NAA35: variants seen among roughly 807,000 people sequenced by gnomAD.
NAA35 encodes MAK10 homolog, amino-acid N-acetyltransferase subunit.
NAA35 carries 18 observed loss-of-function variants against 101.7 expected under a neutral mutation model. That is an observed-to-expected ratio of 0.18 (90% CI 0.12 to 0.26). NAA35 has a LOEUF of 0.26. Ranked by LOEUF, NAA35 falls within the 10% of genes least tolerant of loss-of-function variation. The pLI is 1.00. For synonymous variants in NAA35, 267 were observed against 273.1 expected (o/e 0.98, Z 0.22); for missense variants, 601 against 886.8 (o/e 0.68, Z 4.09).
At chr9:85,992,404 C>T (rs569751533) in intron 11 of NAA35, among the ~76,000 whole-genome samples, 20 of 151,976 alleles carry the variant, frequency 1.3e-4, no homozygotes, top group African/African-American at 4.6e-4. Flanking sequence ...ATATGAGTGT[C>T]CCCCCAACCC....
At chr9:85,976,245 A>C (rs569952332) in intron 8 of NAA35, among the ~76,000 whole-genome samples, 1 of 152,330 alleles carries the variant, frequency 6.6e-6, no homozygotes, top group South Asian at 2.1e-4. Flanking sequence ...CATTTGTATT[A>C]AGAAATTGTG....
chr9:85,993,523 A>G (rs1831018638), intron 11 of NAA35, among the ~76,000 whole-genome samples: 1 of 152,206 alleles, frequency 6.6e-6, no homozygotes, highest in Non-Finnish European at 1.5e-5. Context: ...TGAGCATTGG[A>G]GTGATAGACT....
At chr9:85,966,645 A>C in intron 6 of NAA35, 3 of 1,298,918 alleles carry the variant, frequency 2.3e-6, no homozygotes, top group Non-Finnish European at 3.0e-6. Flanking sequence ...AATTTTAAAA[A>C]TGAAAATGTT....
intron 6 of NAA35, among the ~76,000 whole-genome samples, chr9:85,971,599 G>A (rs1362664818): frequency 2.0e-5 from 3 of 152,106 alleles, no homozygotes; most frequent in African/African-American, 7.2e-5. Flanking sequence ...TCAAGCAAGT[G>A]AAATCTGAAA....
intron 6 of NAA35, among the ~76,000 whole-genome samples, chr9:85,970,562 C>T (rs977483865): frequency 3.7e-4 from 57 of 152,160 alleles, no homozygotes; most frequent in Non-Finnish European, 6.8e-4. Context: ...AGGAAGGACA[C>T]ATCATCATTT....
At chr9:85,943,440 T>C (rs1198597903) in intron 2 of NAA35, among the ~76,000 whole-genome samples, 1 of 152,030 alleles carries the variant, frequency 6.6e-6, no homozygotes, top group Non-Finnish European at 1.5e-5. Context: ...AGGTAGGGTG[T>C]GTTTGGATAG....
intron 6 of NAA35, among the ~76,000 whole-genome samples, chr9:85,971,596 A>T (rs978261039): frequency 2.6e-5 from 4 of 152,280 alleles, no homozygotes; most frequent in African/African-American, 9.6e-5. Context: ...GTCTCAAGCA[A>T]GTGAAATCTG....
intron 6 of NAA35, among the ~76,000 whole-genome samples, chr9:85,968,107 C>T (rs534188812): frequency 2.0e-5 from 3 of 152,196 alleles, no homozygotes; most frequent in Admixed American, 6.5e-5. Context: ...ACTGTTTTTT[C>T]TCTCACCCTT....
chr9:85,972,439 G>C (rs951418096), intron 6 of NAA35, among the ~76,000 whole-genome samples: 3 of 150,838 alleles, frequency 2.0e-5, no homozygotes, highest in Non-Finnish European at 4.4e-5. Flanking sequence ...AGCCCAGAGC[G>C]GGGTGGAGGT....
chr9:85,967,575 G>A (rs1829811393), intron 6 of NAA35, among the ~76,000 whole-genome samples: 2 of 152,172 alleles, frequency 1.3e-5, no homozygotes, highest in Middle Eastern at 3.4e-3. Flanking sequence ...TGAGAGGCCC[G>A]AGGTGGGCAG....
At chr9:85,964,271 T>A (rs555363274) in intron 6 of NAA35, among the ~76,000 whole-genome samples, 7 of 152,208 alleles carry the variant, frequency 4.6e-5, no homozygotes, top group Non-Finnish European at 8.8e-5. Flanking sequence ...TTTTCACTTA[T>A]GCGCGTGCTC....
At chr9:86,020,264 C>G (rs970436887) in intron 21 of NAA35, among the ~76,000 whole-genome samples, 53 of 152,110 alleles carry the variant, frequency 3.5e-4, no homozygotes, top group African/African-American at 1.2e-3. Flanking sequence ...AAGGGGGAGT[C>G]TAAAAATTTG....
At chr9:86,018,856 G>C (rs1380763622) in intron 21 of NAA35, 35 bp downstream of exon 21, 1 of 1,605,318 alleles carries the variant, frequency 6.2e-7, no homozygotes, top group South Asian at 1.1e-5. Context: ...TAGGGGAAAA[G>C]CGTGGCAGGA....
intron 16 of NAA35, 118 bp downstream of exon 16, chr9:86,013,262 C>A: frequency 1.8e-6 from 1 of 555,376 alleles, no homozygotes; most frequent in Non-Finnish European, 3.0e-6. Context: ...ATCCACTTTT[C>A]ACTTAAAATA....
chr9:85,952,292 T>G (rs1388918329), intron 2 of NAA35, among the ~76,000 whole-genome samples: 1 of 151,642 alleles, frequency 6.6e-6, no homozygotes, highest in African/African-American at 2.4e-5. Context: ...TTTTTTGTTT[T>G]TTTTTTTTTT....
At chr9:86,009,803 G>A (rs150630206) in intron 14 of NAA35, 62 bp from the exon 15 acceptor site, 127 of 1,241,114 alleles carry the variant, frequency 1.0e-4, no homozygotes, top group Non-Finnish European at 1.4e-4. Flanking sequence ...AGCATCTGCA[G>A]TAATTGCTGC....
intron 18 of NAA35, 98 bp from the exon 19 acceptor site, chr9:86,017,400 A>G (rs1832281577): frequency 9.4e-7 from 1 of 1,065,506 alleles, no homozygotes; most frequent in South Asian, 1.5e-5. Flanking sequence ...TTTAGTATAC[A>G]AGCTGAAAGA....
At position 86,005,166 on chromosome 9, in the gene NAA35, C is replaced by T. The variant is rs1449793085; in HGVS notation, c.1116+1522C>T. On this transcript the variant is annotated intron_variant, in intron 13 of 22. Coordinates refer to ENST00000361671, the MANE Select transcript of NAA35 (RefSeq NM_024635.4). ...ATAAAAAGAGGTAATACACCATGACCAAATAAGATTTACCCTAAGAATCAA... is the reference window on the plus strand; with the variant it reads ...ATAAAAAGAGGTAATACACCATGACTAAATAAGATTTACCCTAAGAATCAA... Among the ~76,000 whole-genome samples, 4 of 152,002 alleles carry T rather than the reference C, an allele frequency of 2.6e-5. No individual in the cohort carries two copies. The East Asian group carries it at 5.8e-4, about 22-fold the overall frequency.
In NAA35 at chr9:85,978,346, A is replaced by G. The variant is rs745654883; in HGVS notation, c.842A>G (p.His281Arg). 5.0e-6 allele frequency: 8 copies of G among 1,612,858 alleles called. No homozygotes were observed. The Admixed American group carries it at 1.3e-4, about 27-fold the overall frequency. ...TCTGCCATTCATAATTCATTGCATCATGGCATCCAGGCCCAGAATGATACT... is the reference window on the plus strand; with the variant it reads ...TCTGCCATTCATAATTCATTGCATCGTGGCATCCAGGCCCAGAATGATACT... Reference protein sequence around the residue: ...LLSAIHNSLHHGIQAQNDTTK... With the variant: ...LLSAIHNSLHRGIQAQNDTTK... Residue 281 changes from histidine to arginine, a missense_variant, in exon 11 of 23, where the codon CAT becomes CGT. His to Arg is a conservative substitution (Grantham distance 29). Around this residue, in one of 8 missense-constraint regions of NAA35, gnomAD observed 190 missense variants for 223.1 expected, o/e 0.85. Coordinates refer to ENST00000361671, the MANE Select transcript of NAA35 (RefSeq NM_024635.4).
Sources: gnomAD v4.1 joint callset for allele counts (sites outside exome capture counted in the v4.1 genomes callset) on GRCh38, gnomAD v4.1.1 for gene constraint, gnomAD v4.1.1 regional missense constraint, MANE v1.5 for transcripts, NCBI Gene and HGNC (gene_info 2026-07-23, HGNC 2026-07-21) for gene names.